The following RAE1 variants were observed in gnomAD, a reference collection of about 807,000 sequenced individuals.
RAE1 encodes the protein ribonucleic acid export 1, also known as mRNA export factor RAE1.
RAE1 carries 13 observed loss-of-function variants against 52.7 expected under a neutral mutation model. The ratio of observed to expected loss-of-function variants is 0.25; its 90% CI spans 0.16 to 0.39. The LOEUF is 0.39. Among genes scored for constraint, RAE1 ranks in the 10% least tolerant of loss-of-function variants. The pLI, the probability that RAE1 is intolerant of heterozygous loss-of-function variation, is 1.00. For synonymous variants in RAE1, 164 were observed against 153.1 expected, an observed-to-expected ratio of 1.07 and a Z score of -0.52; for missense variants, 262 against 459.8, an observed-to-expected ratio of 0.57 and a Z score of 3.93.
intron 11 of RAE1, among the ~76,000 whole-genome samples, chr20:57,377,171 G>T (rs1421706799): frequency 6.6e-6 from 1 of 152,138 alleles, no homozygotes; most frequent in Non-Finnish European, 1.5e-5. Context: ...GAGCTTTCTT[G>T]GCATGCCTGT....
intron 10 of RAE1, among the ~76,000 whole-genome samples, chr20:57,373,954 C>T (rs916132790): frequency 1.3e-5 from 2 of 152,142 alleles, no homozygotes; most frequent in African/African-American, 2.4e-5. Context: ...AGTGCAGTGG[C>T]GTGATATCAC....
rs768612712 is a variant in RAE1, at chr20:57,365,448, A to T, written c.375+6A>T. 2 of 1,589,508 alleles carry T rather than the reference A, an allele frequency of 1.3e-6. No homozygotes were observed. Among genetic ancestry groups the T allele is most frequent in the Admixed American group, 3.4e-5 (2 of 58,330 alleles). Reference sequence around the variant, plus strand: ...AAGCGATACAGATCGCACAGGTAACAGAAGCCTCTGCAGAAAGGCTAGGCA... The same window carrying T: ...AAGCGATACAGATCGCACAGGTAACTGAAGCCTCTGCAGAAAGGCTAGGCA... On this transcript the variant is annotated splice_donor_region_variant and intron_variant, in intron 5 of 11. Transcript: ENST00000395841.
chr20:57,378,090 TAAG>T lies in RAE1; in HGVS notation c.1102_1104del (p.Lys368del), dbSNP rs774816755. ...CAGCCGAAGAGCTAAAGCCCAGGAA[TAAG>T]AAGTAGTGGCTGGAGACTCTGGCTC... On this transcript the variant is annotated inframe_deletion, in exon 12 of 12. Coordinates refer to ENST00000395841, the MANE Select transcript of RAE1 (RefSeq NM_003610.4). The T allele has an allele frequency of 6.2e-7, 1 of 1,610,300 alleles. No individual in the cohort carries two copies. The highest frequency in any genetic ancestry group is 8.5e-7 in the Non-Finnish European group (1 of 1,177,176).
At chr20:57,373,309 G>C in intron 8 of RAE1, 166 bp from the exon 9 acceptor site, 2 of 641,564 alleles carry the variant, frequency 3.1e-6, no homozygotes, top group Non-Finnish European at 2.7e-6. Flanking sequence ...TGCTTAGATG[G>C]AGTTACTAAG....
rs574805726 is a variant in RAE1 at position 57,366,794 on chromosome 20, G to A, written c.376-13G>A. The stretch of plus-strand genomic sequence containing the variant: ...ATTTACCTTGATCTGTTTTGTTTTT[G>A]TCTTGTTGAAAGCATGATGCTCCTG... On this transcript the variant is annotated splice_polypyrimidine_tract_variant and intron_variant, in intron 5 of 11. Coordinates refer to ENST00000395841, the MANE Select transcript of RAE1 (RefSeq NM_003610.4). 1 of 1,600,700 alleles carries A rather than the reference G, an allele frequency of 6.2e-7. No individual in the cohort carries two copies. Among genetic ancestry groups the A allele is most frequent in the South Asian group, 1.1e-5 (1 of 90,736 alleles).
rs1031004794 is a variant in RAE1, at chr20:57,351,310, C to G, written c.-120C>G. On this transcript the variant is annotated 5_prime_UTR_variant, in exon 1 of 12. Transcript: ENST00000395841. Reference sequence around the variant, plus strand: ...GCAGGCTTAAGGAGGCTTCGGGCTCCTGGGATTTCTGTCCGCGCTCCTGGC... The same window carrying G: ...GCAGGCTTAAGGAGGCTTCGGGCTCGTGGGATTTCTGTCCGCGCTCCTGGC... 1.3e-5 allele frequency: 13 copies of G among 985,474 alleles called. No individual in the cohort carries two copies. In the African/African-American group the frequency reaches 2.1e-4, roughly 16 times the overall value. 61.0% of individuals were successfully genotyped at this position (985,474 alleles called of 1,614,324 possible).
chr20:57,377,997 T>G lies in RAE1; in HGVS notation c.1021-16T>G. On this transcript the variant is annotated splice_polypyrimidine_tract_variant and intron_variant, in intron 11 of 11. Transcript: ENST00000395841. ...TTTTGAATAATAAGATCATTGGTGT[T>G]TTTTGCTCTCTTTAGGGACATGAAT... 1 of 1,566,466 alleles carries G rather than the reference T, an allele frequency of 6.4e-7. No homozygotes were observed. Among genetic ancestry groups the G allele is most frequent in the Non-Finnish European group, 8.7e-7 (1 of 1,145,064 alleles).
chr20:57,368,776 T>A lies in RAE1; in HGVS notation c.606T>A (p.Ser202=). ...TCTATCAGCTAGAGAATCAACCTTCTGAATTCAGGAGGATAGAATCTCCAC... is the reference window on the plus strand; with the variant it reads ...TCTATCAGCTAGAGAATCAACCTTCAGAATTCAGGAGGATAGAATCTCCAC... ...LIVYQLENQP[S]EFRRIESPLK... Residue 202 remains serine, a synonymous_variant, in exon 8 of 12, where the codon TCT becomes TCA. Transcript: ENST00000395841. 6.2e-7 allele frequency: 1 copy of A among 1,613,468 alleles called. No homozygotes were observed. The highest frequency in any genetic ancestry group is 8.5e-7 in the Non-Finnish European group (1 of 1,179,772).
At chr20:57,371,352 C>T (rs2067032876) in intron 8 of RAE1, 1 of 152,164 alleles carries the variant, frequency 6.6e-6, no homozygotes, top group Admixed American at 6.5e-5. Context: ...CGTAAGGAAC[C>T]CCTGCAACTC....
intron 11 of RAE1, among the ~76,000 whole-genome samples, chr20:57,376,099 C>G (rs1322333725): frequency 1.3e-5 from 2 of 152,206 alleles, no homozygotes; most frequent in African/African-American, 4.8e-5. Flanking sequence ...AGGAGCGTGG[C>G]TGCACCTGAG....
At chr20:57,353,892 T>C (rs1249487473) in intron 1 of RAE1, 140 bp from the exon 2 acceptor site, 1 of 661,940 alleles carries the variant, frequency 1.5e-6, no homozygotes, top group African/African-American at 1.8e-5. Flanking sequence ...AGCACTCTGC[T>C]CATTGCGCTC....
At chr20:57,365,951 G>T (rs1356538788) in intron 5 of RAE1, among the ~76,000 whole-genome samples, 1 of 152,236 alleles carries the variant, frequency 6.6e-6, no homozygotes, top group Non-Finnish European at 1.5e-5. Context: ...AAGTAATGAA[G>T]ATAAGAGAAC....
chr20:57,366,158 G>A (rs1171577969), intron 5 of RAE1, among the ~76,000 whole-genome samples: 3 of 152,080 alleles, frequency 2.0e-5, no homozygotes, highest in African/African-American at 7.2e-5. Context: ...TCTCCCTAAG[G>A]AGGAGCTTAC....
intron 3 of RAE1, 68 bp downstream of exon 3, chr20:57,354,884 C>G: frequency 8.4e-7 from 1 of 1,185,962 alleles, no homozygotes; most frequent in Non-Finnish European, 1.2e-6. Flanking sequence ...AGCTTTAGCT[C>G]CGTTGTTTCC....
intron 7 of RAE1, among the ~76,000 whole-genome samples, chr20:57,367,808 GT>G (rs2066979330): frequency 6.6e-6 from 1 of 150,438 alleles, no homozygotes; most frequent in South Asian, 2.1e-4. Flanking sequence ...ACATCTTAAA[GT>G]TTTGTACCAA....
rs2066706565 is a variant in RAE1, at chr20:57,351,413, A to T, written c.-17A>T. 1 of 985,384 alleles carries T rather than the reference A, an allele frequency of 1.0e-6. No homozygotes were observed. Among genetic ancestry groups the T allele is most frequent in the African/African-American group, 1.7e-5 (1 of 57,230 alleles). The allele number at this position is 985,384 out of a possible 1,614,324, so 61.0% of individuals were successfully genotyped here. A position where few individuals can be genotyped will look rare whatever the true frequency, so the allele number is the denominator to read the frequency against. On this transcript the variant is annotated 5_prime_UTR_variant, in exon 1 of 12. Transcript: ENST00000395841. ...CCGGCCGCCGCTTTCCGCCGGGGCG[A>T]GACCCCCAGGTAGGCCCCGTGCCGC...
intron 2 of RAE1, 23 bp downstream of exon 2, chr20:57,354,151 G>A (rs1308118343): frequency 6.3e-7 from 1 of 1,599,136 alleles, no homozygotes; most frequent in African/African-American, 1.3e-5. Flanking sequence ...GCTTCCTGGG[G>A]CTTGTAGGAA....
At position 57,354,710 on chromosome 20, in the gene RAE1, A is replaced by G; in HGVS notation, c.91-2A>G. 6.4e-7 allele frequency: 1 copy of G among 1,560,466 alleles called. No individual in the cohort carries two copies. Among genetic ancestry groups the G allele is most frequent in the Non-Finnish European group, 8.6e-7 (1 of 1,159,136 alleles). On this transcript the variant is annotated splice_acceptor_variant, in intron 2 of 11. Coordinates refer to ENST00000395841, the MANE Select transcript of RAE1 (RefSeq NM_003610.4). LOFTEE classifies it high-confidence loss of function. ...ATTTTAACATTGACTTTTTTCCCGC[A>G]GGATATTGAAGTAACATCATCTCCT...
Position 57,379,177 on chromosome 20 carries a change from A to G in RAE1, c.*1078A>G, listed in dbSNP as rs1600734135. On this transcript the variant is annotated 3_prime_UTR_variant, in exon 12 of 12. Transcript: ENST00000395841. ...GTTTGCCTACTCATAAAAAACAATGAAAATAAAATTTTCTACTGGAAGAGA... is the reference window on the plus strand; with the variant it reads ...GTTTGCCTACTCATAAAAAACAATGGAAATAAAATTTTCTACTGGAAGAGA... 1.3e-5 allele frequency: 2 copies of G among 152,308 alleles called. No homozygotes were observed. The highest frequency in any genetic ancestry group is 3.9e-4 in the East Asian group (2 of 5,184). The allele number at this position is 152,308 out of a possible 1,614,324, so 9.4% of individuals were successfully genotyped here.
Sources: allele counts gnomAD v4.1 joint callset (sites outside exome capture counted in the v4.1 genomes callset), GRCh38; gene constraint gnomAD v4.1.1; transcripts MANE v1.5; gene names NCBI Gene and HGNC (gene_info 2026-07-23, HGNC 2026-07-21).